Variants in HIRA observed in about 807,000 individuals in gnomAD.
HIRA encodes protein HIRA.
HIRA carries 13 observed loss-of-function variants against 126.6 expected under a neutral mutation model. The ratio of observed to expected loss-of-function variants is 0.10; its 90% confidence interval spans 0.07 to 0.16. The LOEUF (loss-of-function observed/expected upper bound fraction) is 0.16. Among genes scored for constraint, HIRA ranks in the 10% least tolerant of loss-of-function variants. The pLI is 1.00. For missense variants in HIRA, 834 were observed against 1,314.4 expected, an observed-to-expected ratio of 0.63 and a Z score of 5.65; for synonymous variants, 511 against 520.0, an observed-to-expected ratio of 0.98 and a Z score of 0.24.
At chr22:19,405,035 C>T (rs1569309011) in intron 5 of HIRA, among the ~76,000 whole-genome samples, 1 of 152,220 alleles carries the variant, frequency 6.6e-6, no homozygotes, top group Non-Finnish European at 1.5e-5. Context: ...TGACAAGGGA[C>T]TCCCTCAGTA....
intron 1 of HIRA, among the ~76,000 whole-genome samples, chr22:19,411,178 G>A (rs1315954827): frequency 1.3e-5 from 2 of 152,242 alleles, no homozygotes; most frequent in Non-Finnish European, 2.9e-5. Flanking sequence ...AGCGCTGGCT[G>A]CAACCAAGGA....
At chr22:19,331,620 T>A in intron 24 of HIRA, 64 bp from the exon 25 acceptor site, 1 of 1,462,394 alleles carries the variant, frequency 6.8e-7, no homozygotes, top group Non-Finnish European at 9.3e-7. Flanking sequence ...GTGGGGACTT[T>A]CCTGGCCTGG....
chr22:19,374,104 G>A (rs905308358), intron 15 of HIRA, among the ~76,000 whole-genome samples: 5 of 151,978 alleles, frequency 3.3e-5, no homozygotes, highest in African/African-American at 7.2e-5. Flanking sequence ...AGGCTGAGGC[G>A]GGTGGATCAC....
At chr22:19,409,989 A>G (rs1005722868) in intron 2 of HIRA, among the ~76,000 whole-genome samples, 1 of 152,178 alleles carries the variant, frequency 6.6e-6, no homozygotes, top group Non-Finnish European at 1.5e-5. Context: ...TGGCCTGAGG[A>G]CCTAGAGCTC....
Position 19,395,436 on chromosome 22 carries a change from C to A in HIRA, c.655-927G>T, listed in dbSNP as rs367888258. 6.0e-4 allele frequency among the ~76,000 whole-genome samples: 91 copies of A among 152,258 alleles called. 2 individuals carry two copies. The South Asian group carries it at 0.018, about 31-fold the overall frequency. ...CACTCCTAAAGCCGTCCCTAGGAGT[C>A]CACCTCATGGGACCCCACTGCCTGG... On this transcript the variant is annotated intron_variant, in intron 7 of 24. Coordinates refer to ENST00000263208, the MANE Select transcript of HIRA (RefSeq NM_003325.4).
intron 23 of HIRA, among the ~76,000 whole-genome samples, chr22:19,352,196 G>A (rs567200102): frequency 6.6e-6 from 1 of 151,924 alleles, no homozygotes; most frequent in Non-Finnish European, 1.5e-5. Context: ...GAACAGGCAG[G>A]TGGAAGATGG....
intron 9 of HIRA, 87 bp from the exon 10 acceptor site, chr22:19,388,641 C>T (rs1040924189): frequency 9.7e-7 from 1 of 1,026,988 alleles, no homozygotes; most frequent in Admixed American, 1.9e-5. Flanking sequence ...ACCTAGAAGC[C>T]TGGGTCAAAG....
intron 24 of HIRA, among the ~76,000 whole-genome samples, chr22:19,342,628 T>C (rs1462931779): frequency 6.6e-6 from 1 of 152,206 alleles, no homozygotes; most frequent in Non-Finnish European, 1.5e-5. Context: ...CCTCAGGTGA[T>C]CTTTCCGCCT....
chr22:19,334,185 A>G (rs149749964), intron 24 of HIRA, among the ~76,000 whole-genome samples: 1 of 150,818 alleles, frequency 6.6e-6, no homozygotes, highest in African/African-American at 2.4e-5. Flanking sequence ...CCATGTTAGC[A>G]AGGATGGTCT....
At chr22:19,405,923 G>T in intron 4 of HIRA, 43 bp from the exon 5 acceptor site, 1 of 1,307,752 alleles carries the variant, frequency 7.6e-7, no homozygotes, top group Non-Finnish European at 1.0e-6. Flanking sequence ...GGAGTGCTCT[G>T]GGCACTGCAT....
At chr22:19,361,414 C>T (rs1412708741) in intron 16 of HIRA, 73 bp from the exon 17 acceptor site, 2 of 1,303,484 alleles carry the variant, frequency 1.5e-6, no homozygotes, top group Non-Finnish European at 2.2e-6. Context: ...GCAGGTCACC[C>T]AGAAGTGAGG....
intron 21 of HIRA, among the ~76,000 whole-genome samples, chr22:19,354,901 G>A (rs941476008): frequency 1.2e-4 from 19 of 152,048 alleles, no homozygotes; most frequent in African/African-American, 4.6e-4. Flanking sequence ...CAAGGAGCTG[G>A]GACTACAGAT....
At chr22:19,421,752 A>G (rs1351173777) in intron 1 of HIRA, among the ~76,000 whole-genome samples, 1 of 151,792 alleles carries the variant, frequency 6.6e-6, no homozygotes, top group Non-Finnish European at 1.5e-5. Flanking sequence ...GCTCACTGCA[A>G]CCTCCCACTC....
intron 5 of HIRA, chr22:19,405,480 G>C: frequency 1.0e-6 from 1 of 985,312 alleles, no homozygotes; most frequent in South Asian, 4.7e-5. Context: ...GTGATCCGCT[G>C]ATGAAGGTAC....
At position 19,330,953 on chromosome 22, in the gene HIRA, C is replaced by T. The variant is rs1556004321; in HGVS notation, c.*487G>A. The T allele has an allele frequency of 8.0e-6, 2 of 251,308 alleles. No individual in the cohort carries two copies. The highest frequency in any genetic ancestry group is 2.2e-5 in the African/African-American group (1 of 44,716). The allele number at this position is 251,308 out of a possible 1,614,324, so 15.6% of individuals were successfully genotyped here. On this transcript the variant is annotated 3_prime_UTR_variant, in exon 25 of 25. Transcript: ENST00000263208. ...ATCGGCCAAAGGAAATTCAATATTA[C>T]AAGTTAGCAAATTCTAGTACAAAAA...
intron 20 of HIRA, 45 bp downstream of exon 20, chr22:19,356,185 A>T: frequency 2.6e-6 from 4 of 1,564,842 alleles, no homozygotes; most frequent in Non-Finnish European, 3.5e-6. Flanking sequence ...TCAGACATGA[A>T]CTTGGGCCCC....
chr22:19,332,982 C>T (rs879975711), intron 24 of HIRA, among the ~76,000 whole-genome samples: 5 of 152,128 alleles, frequency 3.3e-5, no homozygotes, highest in Non-Finnish European at 7.3e-5. Flanking sequence ...AATCACAGCT[C>T]GCTGCAGCCT....
chr22:19,368,244 G>C (rs1191391561), intron 15 of HIRA, among the ~76,000 whole-genome samples: 1 of 152,110 alleles, frequency 6.6e-6, no homozygotes, highest in African/African-American at 2.4e-5. Flanking sequence ...GTAGAATCCT[G>C]GATTCTTTTC....
chr22:19,412,706 G>A (rs5748190), intron 1 of HIRA, among the ~76,000 whole-genome samples: 20,151 of 152,070 alleles, frequency 0.13, 2,769 homozygotes, highest in African/African-American at 0.35. Flanking sequence ...CCAAGAGCAC[G>A]TACAGGCTGA....
Sources: allele counts gnomAD v4.1 joint callset (sites outside exome capture counted in the v4.1 genomes callset), GRCh38; gene constraint gnomAD v4.1.1; transcripts MANE v1.5; gene names NCBI Gene and HGNC (gene_info 2026-07-23, HGNC 2026-07-21).